Variants in NEXMIF observed in about 807,000 individuals in gnomAD.
NEXMIF encodes XLMR protein related to neurite extension.
Under a neutral mutation model 62.1 loss-of-function variants are expected in NEXMIF, and 8 were observed. That is an observed-to-expected ratio of 0.13 (90% CI 0.08 to 0.23). The LOEUF is 0.23. Ranked by LOEUF, NEXMIF falls within the 10% of genes least tolerant of loss-of-function variation. NEXMIF has a pLI of 1.00. For missense variants in NEXMIF, 976 were observed against 1,113.3 expected, an observed-to-expected ratio of 0.88 and a Z score of 1.75; for synonymous variants, 404 against 416.6, an observed-to-expected ratio of 0.97 and a Z score of 0.37.
intron 1 of NEXMIF, among the ~76,000 whole-genome samples, chrX:74,842,741 T>C (rs2012003617): frequency 8.9e-6 from 1 of 112,329 alleles, no homozygotes; most frequent in South Asian, 3.7e-4. Flanking sequence ...CAAAAGTCAT[T>C]CAGGAGCATG....
chrX:74,766,888 T>C (rs2080196293), intron 1 of NEXMIF, among the ~76,000 whole-genome samples: 1 of 111,803 alleles, frequency 8.9e-6, no homozygotes, highest in Non-Finnish European at 1.9e-5. Flanking sequence ...TGCCTCTGAT[T>C]GAAGTGGTCA....
chrX:74,742,216 C>T lies in NEXMIF; in HGVS notation c.2341G>A (p.Ala781Thr), dbSNP rs2080107838. ...SRLSEFHEAK[A>T]AKSSTFLPTT... The stretch of plus-strand genomic sequence containing the variant: ...GGTAGAAAAGTGGAACTCTTAGCAG[C>T]CTTTGCCTCATGAAATTCAGATAGA... Residue 781 changes from alanine to threonine, a missense_variant, in exon 3 of 4, where the codon GCT becomes ACT. Ala to Thr is a moderately conservative substitution (Grantham distance 58). Transcript: ENST00000055682. The T allele has an allele frequency of 8.3e-7, 1 of 1,209,235 alleles. No homozygotes were observed. Among genetic ancestry groups the T allele is most frequent in the African/African-American group, 1.7e-5 (1 of 57,170 alleles).
At position 74,794,978 on chromosome X, in the gene NEXMIF, A is replaced by G. The variant is rs2080301636; in HGVS notation, c.-47-49281T>C. ...GGAGCTGTAGACTGGAGCTGTTCCT[A>G]TTCGGCCATCTTGGCTCCTCCCATC... On this transcript the variant is annotated intron_variant, in intron 1 of 3. Coordinates refer to ENST00000055682, the MANE Select transcript of NEXMIF (RefSeq NM_001008537.3). 1.8e-5 allele frequency among the ~76,000 whole-genome samples: 2 copies of G among 111,608 alleles called. 1 individual carries two copies. Among genetic ancestry groups the G allele is most frequent in the Middle Eastern group, 9.2e-3 (2 of 217 alleles).
intron 1 of NEXMIF, among the ~76,000 whole-genome samples, chrX:74,900,183 G>A (rs2080744723): frequency 9.0e-6 from 1 of 111,021 alleles, no homozygotes. Context: ...GAAAAAACAG[G>A]GCCAGGCGCG....
chrX:74,887,483 G>A (rs188969329), intron 1 of NEXMIF, among the ~76,000 whole-genome samples: 267 of 111,884 alleles, frequency 2.4e-3, no homozygotes, highest in African/African-American at 7.6e-3. Flanking sequence ...AAAAGTGGGC[G>A]AAGGATATTA....
Position 74,737,808 on chromosome X carries a change from C to T in NEXMIF, c.*1597G>A, listed in dbSNP as rs2080089435. The T allele has an allele frequency of 9.0e-6, 1 of 110,787 alleles. No individual in the cohort carries two copies. The highest frequency in any genetic ancestry group is 1.9e-5 in the Non-Finnish European group (1 of 52,867). 9.1% of individuals were successfully genotyped at this position (110,787 alleles called of 1,213,427 possible). A position where few individuals can be genotyped will look rare whatever the true frequency, so the allele number is the denominator to read the frequency against. On this transcript the variant is annotated 3_prime_UTR_variant, in exon 4 of 4. Transcript: ENST00000055682. ...TTTTTTTGTTAAATCCCCTTTTTCC[C>T]TTCCCACTTATTCTCCACCCTCCCA...
intron 1 of NEXMIF, among the ~76,000 whole-genome samples, chrX:74,886,532 G>A (rs1199521575): frequency 9.0e-6 from 1 of 111,615 alleles, no homozygotes; most frequent in Non-Finnish European, 1.9e-5. Flanking sequence ...CAAATCATGA[G>A]TGAAATCCCA....
intron 1 of NEXMIF, among the ~76,000 whole-genome samples, chrX:74,748,053 T>G (rs1291224766): frequency 3.6e-5 from 4 of 112,266 alleles, no homozygotes; most frequent in African/African-American, 1.3e-4. Flanking sequence ...GCACCCAAGA[T>G]TTATGACTCT....
intron 1 of NEXMIF, among the ~76,000 whole-genome samples, chrX:74,863,767 C>A (rs1291928754): frequency 1.8e-5 from 2 of 111,959 alleles, no homozygotes; most frequent in African/African-American, 6.5e-5. Context: ...TTTATGAGGC[C>A]AGCATCATCT....
intron 1 of NEXMIF, among the ~76,000 whole-genome samples, chrX:74,878,664 G>A (rs1052104576): frequency 8.9e-6 from 1 of 112,852 alleles, no homozygotes; most frequent in Non-Finnish European, 1.9e-5. Context: ...AGGATCCTGC[G>A]AGCCAGGTGC....
chrX:74,858,269 C>T (rs746018793), intron 1 of NEXMIF, among the ~76,000 whole-genome samples: 14 of 112,396 alleles, frequency 1.2e-4, no homozygotes, highest in African/African-American at 4.2e-4. Flanking sequence ...GTGGTGGCCA[C>T]AGAGGTACTT....
chrX:74,876,356 C>T (rs897615825), intron 1 of NEXMIF, among the ~76,000 whole-genome samples: 37 of 111,570 alleles, frequency 3.3e-4, no homozygotes, highest in South Asian at 7.6e-4. Context: ...GTCTGAGAGA[C>T]AGTTTGTTAT....
intron 1 of NEXMIF, among the ~76,000 whole-genome samples, chrX:74,757,736 C>T (rs1310099003): frequency 9.0e-6 from 1 of 111,451 alleles, no homozygotes; most frequent in Non-Finnish European, 1.9e-5. Flanking sequence ...GTTTCTGACT[C>T]TTCCTACATC....
intron 1 of NEXMIF, among the ~76,000 whole-genome samples, chrX:74,875,637 G>T (rs182515455): frequency 6.3e-5 from 7 of 111,757 alleles, no homozygotes; most frequent in Non-Finnish European, 1.1e-4. Context: ...ACTCTTTTTG[G>T]TTGGTAAGCT....
At chrX:74,808,182 T>A (rs923792327) in intron 1 of NEXMIF, among the ~76,000 whole-genome samples, 3 of 111,122 alleles carry the variant, frequency 2.7e-5, no homozygotes, top group Non-Finnish European at 5.7e-5. Flanking sequence ...GGTGGGCAGA[T>A]CACTTGAGGT....
At chrX:74,890,722 C>T (rs2147365003) in intron 1 of NEXMIF, among the ~76,000 whole-genome samples, 1 of 111,536 alleles carries the variant, frequency 9.0e-6, no homozygotes, top group South Asian at 3.8e-4. Flanking sequence ...GGCCATATGT[C>T]AGAGGGACAA....
At chrX:74,803,828 G>A (rs1351259560) in intron 1 of NEXMIF, among the ~76,000 whole-genome samples, 2 of 110,222 alleles carry the variant, frequency 1.8e-5, no homozygotes, top group African/African-American at 6.6e-5. Flanking sequence ...CTTCAAGCAC[G>A]AAGGAGAAAT....
At chrX:74,877,753 A>C (rs1300246025) in intron 1 of NEXMIF, among the ~76,000 whole-genome samples, 1 of 110,948 alleles carries the variant, frequency 9.0e-6, no homozygotes, top group African/African-American at 3.3e-5. Flanking sequence ...ATCTTCCATC[A>C]CTGATACCGT....
intron 1 of NEXMIF, among the ~76,000 whole-genome samples, chrX:74,841,064 C>T (rs1022184535): frequency 1.8e-5 from 2 of 111,866 alleles, no homozygotes; most frequent in African/African-American, 3.3e-5. Flanking sequence ...CTGTAAGTTG[C>T]TTTGGGCAGT....
Sources: allele counts gnomAD v4.1 joint callset (sites outside exome capture counted in the v4.1 genomes callset), GRCh38; gene constraint gnomAD v4.1.1; transcripts MANE v1.5; gene names NCBI Gene and HGNC (gene_info 2026-07-23, HGNC 2026-07-21).